Variants in SNX29 observed in about 807,000 individuals in gnomAD.
SNX29 encodes sorting nexin-29.
SNX29 carries 78 observed loss-of-function variants against 102.1 expected under a neutral mutation model. The observed-to-expected ratio is 0.76, with a 90% CI of 0.64 to 0.92. SNX29 has a LOEUF of 0.92. Among genes scored for constraint, SNX29 ranks in the 40% least tolerant of loss-of-function variants. The pLI is 0.00. For missense variants in SNX29, 1,280 were observed against 1,061.7 expected, an observed-to-expected ratio of 1.21 and a Z score of -2.86; for synonymous variants, 580 against 414.5, an observed-to-expected ratio of 1.40 and a Z score of -4.85.
chr16:12,155,328 A>C (rs71385193), intron 13 of SNX29, among the ~76,000 whole-genome samples: 3,087 of 152,298 alleles, frequency 0.02, 64 homozygotes, highest in South Asian at 0.069. Flanking sequence ...AAGTCGGTGG[A>C]TTCAGAAGAA....
At chr16:12,176,346 G>A (rs1371971571) in intron 13 of SNX29, among the ~76,000 whole-genome samples, 1 of 152,188 alleles carries the variant, frequency 6.6e-6, no homozygotes, top group Non-Finnish European at 1.5e-5. Context: ...CTTTAGACAA[G>A]CTGATAACCT....
chr16:12,388,935 A>G (rs946584081), intron 16 of SNX29, among the ~76,000 whole-genome samples: 3 of 152,178 alleles, frequency 2.0e-5, no homozygotes, highest in African/African-American at 4.8e-5. Context: ...TCACTAGAGG[A>G]TCAACCCAGG....
At chr16:12,320,449 C>G (rs936903535) in intron 15 of SNX29, among the ~76,000 whole-genome samples, 1 of 152,162 alleles carries the variant, frequency 6.6e-6, no homozygotes, top group African/African-American at 2.4e-5. Flanking sequence ...ACAGGAAGCG[C>G]TCAGCCACCA....
At chr16:12,094,254 G>C (rs2052679055) in intron 11 of SNX29, among the ~76,000 whole-genome samples, 1 of 152,112 alleles carries the variant, frequency 6.6e-6, no homozygotes, top group Non-Finnish European at 1.5e-5. Flanking sequence ...TATATGCTAT[G>C]TAAATTATAC....
At chr16:12,055,640 G>A (rs1347547199) in intron 8 of SNX29, among the ~76,000 whole-genome samples, 1 of 152,192 alleles carries the variant, frequency 6.6e-6, no homozygotes, top group East Asian at 1.9e-4. Context: ...TTGCAGTTCA[G>A]GTCCAGAGGC....
chr16:12,358,494 A>T (rs1379024051), intron 16 of SNX29, among the ~76,000 whole-genome samples: 2 of 152,178 alleles, frequency 1.3e-5, no homozygotes, highest in Non-Finnish European at 2.9e-5. Context: ...GCTTGAACCC[A>T]GGTCAGAATC....
At position 12,574,229 on chromosome 16, in the gene SNX29, A is replaced by C. The variant is rs2079245887; in HGVS notation, c.*5600A>C. ...TGGAAATTTTGTTACAACCTGGTTG[A>C]GATCAACCTCTTTACAATGACACAA... On this transcript the variant is annotated 3_prime_UTR_variant, in exon 21 of 21. Transcript: ENST00000566228. The C allele has an allele frequency of 5.6e-6, 1 of 177,284 alleles. No individual in the cohort carries two copies. The highest frequency in any genetic ancestry group is 2.4e-5 in the African/African-American group (1 of 42,250). 11.0% of individuals were successfully genotyped at this position (177,284 alleles called of 1,614,324 possible).
chr16:12,260,024 T>C (rs7195520), intron 14 of SNX29, among the ~76,000 whole-genome samples: 99,056 of 152,124 alleles, frequency 0.65, 33,487 homozygotes, highest in African/African-American at 0.82. Context: ...CTTCTGTTCC[T>C]GCAGGAGACA....
chr16:12,506,203 C>T (rs1181829051), intron 19 of SNX29, among the ~76,000 whole-genome samples: 3 of 152,244 alleles, frequency 2.0e-5, no homozygotes, highest in Non-Finnish European at 4.4e-5. Context: ...TCAGGTGATG[C>T]GCCTGCCTCG....
intron 11 of SNX29, among the ~76,000 whole-genome samples, chr16:12,115,754 G>A (rs1000843538): frequency 4.6e-5 from 7 of 152,166 alleles, no homozygotes; most frequent in Non-Finnish European, 8.8e-5. Flanking sequence ...GTCCTTTGGC[G>A]GGTTTCTGCA....
At position 12,539,404 on chromosome 16, in the gene SNX29, G is replaced by C. The variant is rs541211288; in HGVS notation, c.2318+14563G>C. Reference sequence around the variant, plus strand: ...GCGTCTTTCAGCATGTGTGAGAACCGTCAAGTCGTTGGGTGAGTCAGCAGT... The same window carrying C: ...GCGTCTTTCAGCATGTGTGAGAACCCTCAAGTCGTTGGGTGAGTCAGCAGT... On this transcript the variant is annotated intron_variant, in intron 20 of 20. Transcript: ENST00000566228. 2.8e-3 allele frequency among the ~76,000 whole-genome samples: 421 copies of C among 152,246 alleles called. 3 individuals are homozygous for C. Among genetic ancestry groups the C allele is most frequent in the Non-Finnish European group, 2.1e-3 (141 of 68,018 alleles).
intron 18 of SNX29, among the ~76,000 whole-genome samples, chr16:12,459,690 C>T (rs2086695825): frequency 1.3e-5 from 2 of 152,226 alleles, no homozygotes; most frequent in South Asian, 4.1e-4. Context: ...AGCAGGATCC[C>T]TTGGGTGTGC....
At chr16:12,495,967 G>C (rs1162272369) in intron 19 of SNX29, among the ~76,000 whole-genome samples, 2 of 152,178 alleles carry the variant, frequency 1.3e-5, no homozygotes, top group Admixed American at 1.3e-4. Context: ...AGAATCTCAT[G>C]AACTCAGGAG....
chr16:12,035,502 C>T (rs965849258), intron 4 of SNX29, among the ~76,000 whole-genome samples: 6 of 152,188 alleles, frequency 3.9e-5, no homozygotes, highest in African/African-American at 1.4e-4. Context: ...GGTAGAGTGA[C>T]AGAGCTCAGC....
chr16:12,115,713 A>T (rs1047284516), intron 11 of SNX29, among the ~76,000 whole-genome samples: 1 of 152,214 alleles, frequency 6.6e-6, no homozygotes, highest in Non-Finnish European at 1.5e-5. Flanking sequence ...CATCTAATTA[A>T]CACCTGTACT....
chr16:12,512,367 AAAATATATAT>A (rs1282391132), intron 19 of SNX29, among the ~76,000 whole-genome samples: 790 of 39,412 alleles, frequency 0.02, 51 homozygotes, highest in South Asian at 0.068. Flanking sequence ...AGGCCCAGGG[AAAATATATAT>A]ATATATATAT....
At chr16:11,989,229 T>A (rs956375501) in intron 1 of SNX29, among the ~76,000 whole-genome samples, 5 of 152,136 alleles carry the variant, frequency 3.3e-5, no homozygotes, top group Non-Finnish European at 5.9e-5. Flanking sequence ...TGCCTTGGCC[T>A]CCCAAAGTGC....
intron 18 of SNX29, among the ~76,000 whole-genome samples, chr16:12,434,133 T>A (rs2085429308): frequency 6.6e-6 from 1 of 152,240 alleles, no homozygotes; most frequent in African/African-American, 2.4e-5. Context: ...GAGTTTGGAC[T>A]ATGGATTGAA....
chr16:12,453,895 G>C, intron 18 of SNX29, among the ~76,000 whole-genome samples: 1 of 152,150 alleles, frequency 6.6e-6, no homozygotes, highest in East Asian at 1.9e-4. Flanking sequence ...TGTGGTAATT[G>C]GATGTATAGG....
Sources: allele counts gnomAD v4.1 joint callset (sites outside exome capture counted in the v4.1 genomes callset), GRCh38; gene constraint gnomAD v4.1.1; transcripts MANE v1.5; gene names NCBI Gene and HGNC (gene_info 2026-07-23, HGNC 2026-07-21).